The following KCNMA1 variants were observed in gnomAD, a reference collection of about 807,000 sequenced individuals.
The protein encoded by KCNMA1 is potassium calcium-activated channel subfamily M alpha 1.
A neutral mutation model predicts 140.0 loss-of-function variants in KCNMA1; 29 were observed. The ratio of observed to expected loss-of-function variants is 0.21; its 90% confidence interval spans 0.15 to 0.28. KCNMA1 has a LOEUF of 0.28. Ranked by LOEUF, KCNMA1 falls within the 10% of genes least tolerant of loss-of-function variation. The probability of loss-of-function intolerance (pLI) is 1.00; values close to 1 mark genes in which losing one functional copy is unlikely to be tolerated. For missense variants in KCNMA1, 880 were observed against 1,602.2 expected (o/e 0.55, Z 7.70); for synonymous variants, 612 against 611.9 (o/e 1.00, Z 0.00).
chr10:77,181,254 G>T (rs947696343), intron 5 of KCNMA1, among the ~76,000 whole-genome samples: 1 of 152,156 alleles, frequency 6.6e-6, no homozygotes, highest in African/African-American at 2.4e-5. Flanking sequence ...GTGGTTGTTC[G>T]AGTGCACAGG....
At position 77,049,698 on chromosome 10, in the gene KCNMA1, T is replaced by C. The variant is rs552823340; in HGVS notation, c.1750-10061A>G. Among the ~76,000 whole-genome samples the C allele has an allele frequency of 1.6e-4, 25 of 152,334 alleles. No homozygotes were observed. The South Asian group carries it at 5.0e-3, about 30-fold the overall frequency. On this transcript the variant is annotated intron_variant, in intron 14 of 27. Coordinates refer to ENST00000286628, the MANE Select transcript of KCNMA1 (RefSeq NM_001161352.2). ...AACAATTTTTCTAGGCATCTGATCA[T>C]AAGTAAGCATGAATAACTTCAATAA... is the stretch of plus-strand genomic sequence containing the variant.
At chr10:77,100,426 T>A (rs1208535152) in intron 9 of KCNMA1, among the ~76,000 whole-genome samples, 1 of 152,166 alleles carries the variant, frequency 6.6e-6, no homozygotes, top group Non-Finnish European at 1.5e-5. Context: ...TTTGGAACAG[T>A]CCCTGTGGTT....
In KCNMA1 at chr10:77,482,971, TTC is replaced by T. The variant is rs149631676; in HGVS notation, c.379-78950_379-78949del. ...TCTTCTCTCCCCCATCCTTCCTCTCTTCTCTCTCTCTCTCTCACATACACACA... is the reference window on the plus strand; with the variant it reads ...TCTTCTCTCCCCCATCCTTCCTCTCTTCTCTCTCTCTCTCACATACACACA... On this transcript the variant is annotated intron_variant, in intron 1 of 27. Coordinates refer to ENST00000286628, the MANE Select transcript of KCNMA1 (RefSeq NM_001161352.2). 7.1e-3 allele frequency among the ~76,000 whole-genome samples: 961 copies of T among 135,748 alleles called. 11 individuals carry two copies. The highest frequency in any genetic ancestry group is 0.041 in the East Asian group (192 of 4,706). 89.1% of individuals were successfully genotyped at this position (135,748 alleles called of 152,430 possible). A position where few individuals can be genotyped will look rare whatever the true frequency, so the allele number is the denominator to read the frequency against.
intron 2 of KCNMA1, among the ~76,000 whole-genome samples, chr10:77,263,617 TTGTAAAAGGCTTA>T (rs761819505): frequency 2.0e-4 from 30 of 152,238 alleles, no homozygotes; most frequent in Non-Finnish European, 3.2e-4. Context: ...AGGTCTTACT[TTGTAAAAGGCTTA>T]TGTAAAAGGC....
intron 10 of KCNMA1, among the ~76,000 whole-genome samples, chr10:77,088,229 G>A (rs1055501802): frequency 1.3e-5 from 2 of 152,088 alleles, no homozygotes; most frequent in Non-Finnish European, 1.5e-5. Flanking sequence ...CCAAAGTGCT[G>A]GGATTACAGG....
intron 9 of KCNMA1, among the ~76,000 whole-genome samples, chr10:77,104,505 G>A (rs983009161): frequency 1.3e-5 from 2 of 152,116 alleles, no homozygotes; most frequent in African/African-American, 4.8e-5. Flanking sequence ...CGTGTGCCCT[G>A]TCAGCATTTG....
At position 77,572,866 on chromosome 10, in the gene KCNMA1, C is replaced by T. The variant is rs149912279; in HGVS notation, c.378+64399G>A. Among the ~76,000 whole-genome samples, 417 of 151,368 alleles carry T rather than the reference C, an allele frequency of 2.8e-3. 8 individuals carry two copies. The highest frequency in any genetic ancestry group is 0.025 in the South Asian group (121 of 4,768). On this transcript the variant is annotated intron_variant, in intron 1 of 27. Transcript: ENST00000286628. ...ATGTGTTTTAGAATTCCAATTGTTT[C>T]GGGTTTTAGGAAATTATTAAGGTGA...
intron 2 of KCNMA1, among the ~76,000 whole-genome samples, chr10:77,319,506 C>T (rs529541686): frequency 2.0e-5 from 3 of 152,322 alleles, no homozygotes; most frequent in African/African-American, 7.2e-5. Flanking sequence ...CCAAGTCCTT[C>T]ACTCGCCCTC....
intron 2 of KCNMA1, among the ~76,000 whole-genome samples, chr10:77,328,219 T>C (rs912132710): frequency 2.0e-5 from 3 of 152,228 alleles, no homozygotes; most frequent in African/African-American, 7.2e-5. Context: ...TCAATAAATA[T>C]GTAATTGTCA....
chr10:77,270,530 CTT>C (rs796710174), intron 2 of KCNMA1, among the ~76,000 whole-genome samples: 1 of 142,546 alleles, frequency 7.0e-6, no homozygotes. Flanking sequence ...CTCTCTCTTT[CTT>C]TTTTTTTTTT....
At chr10:77,533,479 C>T (rs921898029) in intron 1 of KCNMA1, among the ~76,000 whole-genome samples, 1 of 152,180 alleles carries the variant, frequency 6.6e-6, no homozygotes, top group Non-Finnish European at 1.5e-5. Context: ...AGGCAGGCAT[C>T]CCGGGAGGAG....
chr10:76,951,280 C>G (rs1308193503), intron 21 of KCNMA1, among the ~76,000 whole-genome samples: 4 of 152,118 alleles, frequency 2.6e-5, no homozygotes, highest in Non-Finnish European at 4.4e-5. Flanking sequence ...AATTCTAGAG[C>G]CTCAGCCCCG....
chr10:77,467,536 C>A (rs1231449336), intron 1 of KCNMA1, among the ~76,000 whole-genome samples: 1 of 152,202 alleles, frequency 6.6e-6, no homozygotes, highest in African/African-American at 2.4e-5. Context: ...AACTCTATGT[C>A]ACAGCATCAC....
At chr10:77,017,958 T>A (rs533817183) in intron 17 of KCNMA1, among the ~76,000 whole-genome samples, 1 of 152,170 alleles carries the variant, frequency 6.6e-6, no homozygotes, top group African/African-American at 2.4e-5. Context: ...TCTGTAAGAA[T>A]GTGGTAGTAT....
intron 2 of KCNMA1, among the ~76,000 whole-genome samples, chr10:77,277,108 G>A (rs552794650): frequency 7.9e-4 from 120 of 152,230 alleles, no homozygotes; most frequent in African/African-American, 2.7e-3. Flanking sequence ...CTCAGCAAGT[G>A]GTCGTTGCCT....
chr10:77,614,823 A>G (rs2088703860), intron 1 of KCNMA1, among the ~76,000 whole-genome samples: 1 of 152,164 alleles, frequency 6.6e-6, no homozygotes, highest in Non-Finnish European at 1.5e-5. Flanking sequence ...GGCTCCCCCA[A>G]GCAAGCACCA....
intron 18 of KCNMA1, among the ~76,000 whole-genome samples, chr10:77,004,191 C>T (rs2153423098): frequency 6.7e-6 from 1 of 148,554 alleles, no homozygotes; most frequent in East Asian, 2.0e-4. Context: ...AAATAGAAAT[C>T]TCAAAAGACA....
At chr10:77,135,555 T>C (rs1326784466) in intron 5 of KCNMA1, among the ~76,000 whole-genome samples, 1 of 152,220 alleles carries the variant, frequency 6.6e-6, no homozygotes, top group Non-Finnish European at 1.5e-5. Flanking sequence ...CCATGTTCTT[T>C]GCAGCACTAT....
At chr10:76,985,774 A>G (rs771620460) in intron 19 of KCNMA1, among the ~76,000 whole-genome samples, 16 of 152,228 alleles carry the variant, frequency 1.1e-4, no homozygotes, top group Admixed American at 3.3e-4. Flanking sequence ...CAAGAAAGGC[A>G]CATTGTGGCT....
Sources: allele counts gnomAD v4.1 joint callset (sites outside exome capture counted in the v4.1 genomes callset), GRCh38; gene constraint gnomAD v4.1.1; transcripts MANE v1.5; gene names NCBI Gene and HGNC (gene_info 2026-07-23, HGNC 2026-07-21).